Variants in MSH3 observed in about 807,000 individuals in gnomAD.
MSH3 encodes DNA mismatch repair protein Msh3.
In MSH3, 106 loss-of-function variants were observed where a neutral mutation model predicts 123.3. That is an observed-to-expected ratio of 0.86 (90% CI 0.73 to 1.01). MSH3 has a LOEUF of 1.01. Ranked by LOEUF, MSH3 falls within the 50% of genes least tolerant of loss-of-function variation. The pLI, the probability that MSH3 is intolerant of heterozygous loss-of-function variation, is 0.00. For missense variants in MSH3, 1,459 were observed against 1,347.6 expected, an observed-to-expected ratio of 1.08 and a Z score of -1.29; for synonymous variants, 515 against 481.4, an observed-to-expected ratio of 1.07 and a Z score of -0.91.
chr5:80,720,882 T>G (rs1489549699), intron 8 of MSH3, among the ~76,000 whole-genome samples: 1 of 152,200 alleles, frequency 6.6e-6, no homozygotes, highest in African/African-American at 2.4e-5. Flanking sequence ...GTATTATTTA[T>G]AAACAGTTCA....
intron 3 of MSH3, 99 bp from the exon 4 acceptor site, chr5:80,669,998 A>G: frequency 9.3e-7 from 1 of 1,077,510 alleles, no homozygotes; most frequent in Non-Finnish European, 1.4e-6. Flanking sequence ...ATCTAGATTC[A>G]CTAAGTGTTA....
intron 23 of MSH3, among the ~76,000 whole-genome samples, chr5:80,874,788 C>G (rs148008194): frequency 1.3e-5 from 2 of 152,234 alleles, no homozygotes; most frequent in East Asian, 3.9e-4. Flanking sequence ...CAAAAAAACT[C>G]TCAGATTACT....
chr5:80,805,535 G>A (rs1724014171), intron 19 of MSH3, among the ~76,000 whole-genome samples: 1 of 147,910 alleles, frequency 6.8e-6, no homozygotes, highest in African/African-American at 2.5e-5. Context: ...ATAGTTAAAA[G>A]AGATTACTTA....
At chr5:80,819,589 C>G (rs950539136) in intron 20 of MSH3, among the ~76,000 whole-genome samples, 2 of 151,570 alleles carry the variant, frequency 1.3e-5, no homozygotes, top group African/African-American at 4.9e-5. Flanking sequence ...TGGATTCAAG[C>G]TATTTTCCTG....
chr5:80,862,368 T>G (rs1358235748), intron 21 of MSH3, among the ~76,000 whole-genome samples: 1 of 152,222 alleles, frequency 6.6e-6, no homozygotes, highest in Non-Finnish European at 1.5e-5. Flanking sequence ...TTTAATTACC[T>G]CCTTCTGCCA....
At chr5:80,772,931 G>A (rs1182708154) in intron 15 of MSH3, among the ~76,000 whole-genome samples, 1 of 152,154 alleles carries the variant, frequency 6.6e-6, no homozygotes, top group Non-Finnish European at 1.5e-5. Context: ...TTTAACTTGT[G>A]CCTTCCTGAC....
chr5:80,875,796 A>G lies in MSH3; in HGVS notation c.3348A>G (p.Ala1116=), dbSNP rs1269525706. Reference sequence around the variant, plus strand: ...CAAAGTTATGGACGATGCATAATGCACAAGACCTGCAGAAGTGGACAGAGG... The same window carrying G: ...CAAAGTTATGGACGATGCATAATGCGCAAGACCTGCAGAAGTGGACAGAGG... The part of the protein sequence containing the change: ...YFAKLWTMHN[A]QDLQKWTEEF... The change falls in exon 24 of 24, where the codon GCA becomes GCG. Residue 1116 remains alanine, a synonymous_variant. Coordinates refer to ENST00000265081, the MANE Select transcript of MSH3 (RefSeq NM_002439.5). 5 of 1,613,974 alleles carry G rather than the reference A, an allele frequency of 3.1e-6. No homozygotes were observed. The African/African-American group carries it at 5.3e-5, about 17-fold the overall frequency.
At chr5:80,733,298 T>TTA (rs1743443426) in intron 10 of MSH3, among the ~76,000 whole-genome samples, 1 of 152,184 alleles carries the variant, frequency 6.6e-6, no homozygotes, top group African/African-American at 2.4e-5. Context: ...AGTTGGACCC[T>TTA]TACTTCATGT....
chr5:80,779,724 A>G (rs1744375967), intron 17 of MSH3, among the ~76,000 whole-genome samples: 1 of 150,884 alleles, frequency 6.6e-6, no homozygotes, highest in African/African-American at 2.4e-5. Context: ...ACGCCCTGCT[A>G]ATTTTTTTTT....
Position 80,775,770 on chromosome 5 carries a change from A to G in MSH3, c.2318+12A>G, listed in dbSNP as rs574815444. 3.2e-6 allele frequency: 5 copies of G among 1,539,750 alleles called. No individual in the cohort carries two copies. In the South Asian group the frequency reaches 5.6e-5, roughly 17 times the overall value. On this transcript the variant is annotated intron_variant, in intron 16 of 23. Transcript: ENST00000265081. ...GTAAAGGTTGGAAGGTAGGTTTAAAATAAATTTTTTTCTTACAATGCATTA... is the reference window on the plus strand; with the variant it reads ...GTAAAGGTTGGAAGGTAGGTTTAAAGTAAATTTTTTTCTTACAATGCATTA...
chr5:80,723,195 A>G (rs1358773579), intron 8 of MSH3, among the ~76,000 whole-genome samples: 2 of 152,140 alleles, frequency 1.3e-5, no homozygotes, highest in East Asian at 3.8e-4. Flanking sequence ...CACAAAGAAA[A>G]TCAAAGGGCC....
At chr5:80,817,169 G>A (rs1017485090) in intron 20 of MSH3, among the ~76,000 whole-genome samples, 1 of 152,196 alleles carries the variant, frequency 6.6e-6, no homozygotes, top group South Asian at 2.1e-4. Flanking sequence ...AGCCAGAGAG[G>A]CAGGAGAGAA....
intron 12 of MSH3, among the ~76,000 whole-genome samples, chr5:80,755,016 A>T (rs1316323615): frequency 1.3e-5 from 2 of 152,112 alleles, no homozygotes; most frequent in African/African-American, 4.8e-5. Context: ...TGAGCCAGCA[A>T]CCGGGTGTTC....
At position 80,672,802 on chromosome 5, in the gene MSH3, C is replaced by T. The variant is rs887040509; in HGVS notation, c.971C>T (p.Ser324Leu). Residue 324 changes from serine (S) to leucine (L), a missense_variant, in exon 6 of 24, where the codon TCA becomes TTA. By Grantham distance (145) the Ser-to-Leu change is moderately radical. Coordinates refer to ENST00000265081, the MANE Select transcript of MSH3 (RefSeq NM_002439.5). ...ALKAIGDNRS[S>L]LFSRKLTALY... ...AAGGCCATTGGAGACAACAGAAGTT[C>T]ACTCTTTTCCCGGAAATTGACTGCC... 1.2e-6 allele frequency: 2 copies of T among 1,614,104 alleles called. No individual in the cohort carries two copies. The highest frequency in any genetic ancestry group is 1.7e-6 in the Non-Finnish European group (2 of 1,179,992).
intron 19 of MSH3, among the ~76,000 whole-genome samples, chr5:80,807,571 C>T (rs991560565): frequency 5.3e-5 from 8 of 152,210 alleles, no homozygotes; most frequent in Non-Finnish European, 8.8e-5. Flanking sequence ...ACGAGTAATA[C>T]GTGCGGCAGA....
chr5:80,794,748 T>C (rs990993209), intron 19 of MSH3, among the ~76,000 whole-genome samples: 1 of 152,124 alleles, frequency 6.6e-6, no homozygotes, highest in Non-Finnish European at 1.5e-5. Flanking sequence ...AACAGCAAGA[T>C]ATGCCATAGA....
rs559396362 is a variant in MSH3 at position 80,728,099 on chromosome 5, G to A, written c.1454-752G>A. 2.0e-5 allele frequency among the ~76,000 whole-genome samples: 3 copies of A among 152,282 alleles called. No homozygotes were observed. The East Asian group carries it at 5.8e-4, about 29-fold the overall frequency. On this transcript the variant is annotated intron_variant, in intron 9 of 23. Transcript: ENST00000265081. Reference sequence around the variant, plus strand: ...CTCAGAAATAAAGAGGAGATGGCAGGCAGTATAGGGTCACTTTAAGGGCTT... The same window carrying A: ...CTCAGAAATAAAGAGGAGATGGCAGACAGTATAGGGTCACTTTAAGGGCTT...
chr5:80,708,649 C>G (rs1376124571), intron 8 of MSH3, among the ~76,000 whole-genome samples: 3 of 152,082 alleles, frequency 2.0e-5, no homozygotes, highest in Non-Finnish European at 4.4e-5. Context: ...TCTCAAACTC[C>G]TGGACTTGAT....
At chr5:80,816,972 CAG>C (rs1371313024) in intron 20 of MSH3, among the ~76,000 whole-genome samples, 3 of 152,248 alleles carry the variant, frequency 2.0e-5, no homozygotes, top group Non-Finnish European at 2.9e-5. Context: ...AGATTTCAGA[CAG>C]AGAGATCAAA....
Sources: gnomAD v4.1 joint callset for allele counts (sites outside exome capture counted in the v4.1 genomes callset) on GRCh38, gnomAD v4.1.1 for gene constraint, MANE v1.5 for transcripts, NCBI Gene and HGNC (gene_info 2026-07-23, HGNC 2026-07-21) for gene names.